The following DIAPH2 variants were observed in gnomAD, a reference collection of about 807,000 sequenced individuals.
DIAPH2 encodes diaphanous related formin 2.
Under a neutral mutation model 92.7 loss-of-function variants are expected in DIAPH2, and 35 were observed. That is an observed-to-expected ratio of 0.38 (90% CI 0.29 to 0.50). The LOEUF (loss-of-function observed/expected upper bound fraction) is 0.50, where lower values mean the gene tolerates loss of function less well. Ranked by LOEUF, DIAPH2 falls within the 20% of genes least tolerant of loss-of-function variation. DIAPH2 has a pLI of 0.94. For synonymous variants in DIAPH2, 301 were observed against 280.4 expected (o/e 1.07, Z -0.73); for missense variants, 701 against 819.5 (o/e 0.86, Z 1.77).
intron 23 of DIAPH2, among the ~76,000 whole-genome samples, chrX:97,316,779 A>G (rs144488098): frequency 0.018 from 2,015 of 111,885 alleles, 16 homozygotes; most frequent in Middle Eastern, 0.032. Flanking sequence ...CATATTAAGG[A>G]AAAAAAACAT....
intron 2 of DIAPH2, among the ~76,000 whole-genome samples, chrX:96,736,811 A>G (rs2064090951): frequency 8.9e-6 from 1 of 112,260 alleles, no homozygotes; most frequent in South Asian, 3.7e-4. Flanking sequence ...CTACTCAGTA[A>G]AAAGGCTAGT....
chrX:97,174,415 G>A (rs929408895), intron 22 of DIAPH2, among the ~76,000 whole-genome samples: 2 of 111,562 alleles, frequency 1.8e-5, no homozygotes, highest in African/African-American at 6.5e-5. Context: ...TTACATTCTC[G>A]TGTGTTGGCA....
At chrX:96,922,618 A>G (rs916295644) in intron 9 of DIAPH2, among the ~76,000 whole-genome samples, 1 of 111,894 alleles carries the variant, frequency 8.9e-6, no homozygotes, top group African/African-American at 3.2e-5. Context: ...ATCTATGCTC[A>G]TGACCCATTG....
chrX:96,803,429 A>G (rs950674688), intron 4 of DIAPH2, among the ~76,000 whole-genome samples: 5 of 111,662 alleles, frequency 4.5e-5, no homozygotes, highest in Non-Finnish European at 9.4e-5. Flanking sequence ...CCCTAATTTA[A>G]CCAATATGTT....
At chrX:97,072,443 T>C (rs953304953) in intron 17 of DIAPH2, among the ~76,000 whole-genome samples, 2 of 112,610 alleles carry the variant, frequency 1.8e-5, no homozygotes, top group Non-Finnish European at 3.7e-5. Context: ...AAATTGCAAA[T>C]GGTTCATAAC....
At chrX:97,134,633 G>A (rs892428293) in intron 21 of DIAPH2, among the ~76,000 whole-genome samples, 1 of 111,500 alleles carries the variant, frequency 9.0e-6, no homozygotes, top group Admixed American at 9.5e-5. Flanking sequence ...GTTCCCAGGT[G>A]ATACTGATAT....
At chrX:97,040,591 A>G (rs1039613633) in intron 17 of DIAPH2, among the ~76,000 whole-genome samples, 3 of 110,944 alleles carry the variant, frequency 2.7e-5, no homozygotes, top group Non-Finnish European at 3.8e-5. Context: ...TTGCACTGCT[A>G]TGTTTTAGAA....
At chrX:97,145,497 A>G (rs968855212) in intron 22 of DIAPH2, among the ~76,000 whole-genome samples, 3 of 109,779 alleles carry the variant, frequency 2.7e-5, no homozygotes, top group African/African-American at 9.9e-5. Context: ...AAATCCTTTT[A>G]TATATTTTTT....
intron 23 of DIAPH2, among the ~76,000 whole-genome samples, chrX:97,269,135 G>A (rs181755828): frequency 9.4e-4 from 105 of 111,913 alleles, no homozygotes; most frequent in African/African-American, 3.2e-3. Context: ...GATTACAGGC[G>A]TGAGCCACCG....
chrX:97,213,965 T>C (rs1036378433), intron 22 of DIAPH2, among the ~76,000 whole-genome samples: 3 of 112,120 alleles, frequency 2.7e-5, no homozygotes, highest in Non-Finnish European at 5.6e-5. Flanking sequence ...AAATCTTTAC[T>C]GAGCAGCTGG....
rs752735104 is a variant in DIAPH2 at position 97,528,937 on chromosome X, G to A, written c.3242-70316G>A. ...AAATATATATATATATGCTGGACAT[G>A]GTGGCACGTGTCTGTAATCTCAGCT... On this transcript the variant is annotated intron_variant, in intron 26 of 26. Coordinates refer to ENST00000324765, the MANE Select transcript of DIAPH2 (RefSeq NM_006729.5). 3 of 110,319 alleles carry A rather than the reference G, an allele frequency of 2.7e-5. No homozygotes were observed. In the Admixed American group the frequency reaches 2.9e-4, roughly 11 times the overall value. 9.1% of individuals were successfully genotyped at this position (110,319 alleles called of 1,213,427 possible). A position where few individuals can be genotyped will look rare whatever the true frequency, so the allele number is the denominator to read the frequency against.
chrX:97,571,875 A>G (rs758566338), intron 26 of DIAPH2, among the ~76,000 whole-genome samples: 13 of 111,858 alleles, frequency 1.2e-4, no homozygotes, highest in Admixed American at 3.8e-4. Flanking sequence ...TTCCCCTTGG[A>G]CTTTCATCTA....
At chrX:97,316,150 G>T (rs1251127075) in intron 23 of DIAPH2, among the ~76,000 whole-genome samples, 1 of 111,389 alleles carries the variant, frequency 9.0e-6, no homozygotes, top group Non-Finnish European at 1.9e-5. Flanking sequence ...CCTCTAGCGG[G>T]TTGGTTTGCC....
At chrX:96,969,242 T>C (rs189635981) in intron 17 of DIAPH2, among the ~76,000 whole-genome samples, 127 of 108,917 alleles carry the variant, frequency 1.2e-3, no homozygotes, top group African/African-American at 3.8e-3. Flanking sequence ...TTTAGAATAG[T>C]TTTTTTTTTC....
chrX:96,975,578 T>G (rs1293952274), intron 17 of DIAPH2, among the ~76,000 whole-genome samples: 2 of 112,121 alleles, frequency 1.8e-5, no homozygotes, highest in Non-Finnish European at 3.8e-5. Context: ...GGCAGCAAAC[T>G]AAAAACCATA....
chrX:97,585,643 G>A (rs961645387), intron 26 of DIAPH2, among the ~76,000 whole-genome samples: 6 of 109,960 alleles, frequency 5.5e-5, no homozygotes, highest in African/African-American at 2.0e-4. Context: ...TGGGTACATC[G>A]GGCACAATGA....
At chrX:97,013,931 A>G (rs1383933921) in intron 17 of DIAPH2, among the ~76,000 whole-genome samples, 2 of 112,076 alleles carry the variant, frequency 1.8e-5, no homozygotes, top group African/African-American at 6.5e-5. Context: ...GTGAGCATTG[A>G]TGTTGGAGTC....
intron 4 of DIAPH2, among the ~76,000 whole-genome samples, chrX:96,849,227 C>T (rs1409417256): frequency 9.0e-6 from 1 of 111,470 alleles, no homozygotes; most frequent in Non-Finnish European, 1.9e-5. Flanking sequence ...GTGCAATGGC[C>T]GGATCTTGGC....
chrX:96,891,013 C>T (rs1158519506), intron 5 of DIAPH2, among the ~76,000 whole-genome samples: 2 of 110,788 alleles, frequency 1.8e-5, no homozygotes, highest in African/African-American at 3.3e-5. Context: ...ACCCTCTTAC[C>T]CTCTTATTTG....
Sources: gnomAD v4.1 joint callset for allele counts (sites outside exome capture counted in the v4.1 genomes callset) on GRCh38, gnomAD v4.1.1 for gene constraint, MANE v1.5 for transcripts, NCBI Gene and HGNC (gene_info 2026-07-23, HGNC 2026-07-21) for gene names.